USO1: variants seen among roughly 807,000 people sequenced by gnomAD.
The protein encoded by USO1 is general vesicular transport factor p115.
In USO1, 57 loss-of-function variants were observed where a neutral mutation model predicts 124.5. The observed-to-expected ratio is 0.46, with a 90% CI of 0.37 to 0.57. The LOEUF (loss-of-function observed/expected upper bound fraction) is 0.57, where lower values mean the gene tolerates loss of function less well. Among genes scored for constraint, USO1 ranks in the 20% least tolerant of loss-of-function variants. The pLI is 0.00. For synonymous variants in USO1, 369 were observed against 362.8 expected (o/e 1.02, Z -0.19); for missense variants, 900 against 1,040.6 (o/e 0.86, Z 1.86).
rs1722957941 is a variant in USO1 at position 75,805,179 on chromosome 4, C to T, written c.2165C>T (p.Ala722Val). 1 of 1,610,600 alleles carries T rather than the reference C, an allele frequency of 6.2e-7. No individual in the cohort carries two copies. Among genetic ancestry groups the T allele is most frequent in the East Asian group, 2.2e-5 (1 of 44,652 alleles). Residue 722 changes from alanine to valine, a missense_variant, in exon 19 of 24, where the codon GCT becomes GTT. Physicochemically the swap from Ala to Val is moderately conservative, Grantham distance 64 (BLOSUM62 0). Transcript: ENST00000514213. The part of the protein sequence containing the change: ...NQHQGSYSEG[A>V]QMNGIQPEEI... ...CATCAAGGTTCTTACAGTGAGGGGG[C>T]TCAGATGAATGGCATTCAGCCAGAA...
At chr4:75,743,175 C>T (rs1439092899) in intron 1 of USO1, among the ~76,000 whole-genome samples, 2 of 152,090 alleles carry the variant, frequency 1.3e-5, no homozygotes, top group Middle Eastern at 3.4e-3. Context: ...TTAGTAGAGA[C>T]AGGGTTTCAC....
rs542740515 is a variant in USO1, at chr4:75,773,312, A to G, written c.556-1364A>G. On this transcript the variant is annotated intron_variant, in intron 7 of 23. Transcript: ENST00000514213. ...GATTATTGGTTTTTACATGTTTTAT[A>G]ACCTTTTTTTTATTTTAATAAACCT... Among the ~76,000 whole-genome samples the G allele has an allele frequency of 1.3e-3, 199 of 152,106 alleles. 1 individual carries two copies. Among genetic ancestry groups the G allele is most frequent in the Non-Finnish European group, 2.6e-3 (176 of 67,992 alleles).
At chr4:75,734,312 A>T (rs2869175) in intron 1 of USO1, among the ~76,000 whole-genome samples, 83,313 of 151,954 alleles carry the variant, frequency 0.55, 24,104 homozygotes, top group East Asian at 0.81. Flanking sequence ...TAATTTTTGT[A>T]TATGGTAAAA....
rs1356894076 is a variant in USO1 at position 75,809,034 on chromosome 4, C to A, written c.2458C>A (p.Gln820Lys). The change falls in exon 21 of 24, where the codon CAG becomes AAG. Residue 820 changes from glutamine (Q) to lysine (K), a missense_variant. Transcript: ENST00000514213. ...KLQTEKQELL[Q>K]KTEAFAKSVE... The stretch of plus-strand genomic sequence containing the variant: ...ACAGACAGAAAAGCAGGAACTGTTA[C>A]AGAAAACAGAAGCGTTTGTAAGTAT... 1.9e-6 allele frequency: 3 copies of A among 1,598,954 alleles called. No individual in the cohort carries two copies. Among genetic ancestry groups the A allele is most frequent in the Non-Finnish European group, 2.6e-6 (3 of 1,172,952 alleles).
At chr4:75,778,190 C>T (rs1214830325) in intron 8 of USO1, among the ~76,000 whole-genome samples, 1 of 152,058 alleles carries the variant, frequency 6.6e-6, no homozygotes, top group Non-Finnish European at 1.5e-5. Context: ...TTTTGGCTCC[C>T]CCAAAACTTA....
chr4:75,769,358 T>C (rs1721857657), intron 4 of USO1, among the ~76,000 whole-genome samples: 1 of 152,214 alleles, frequency 6.6e-6, no homozygotes, highest in South Asian at 2.1e-4. Context: ...ATTTAGGTAA[T>C]TAATCAACTG....
intron 1 of USO1, among the ~76,000 whole-genome samples, chr4:75,738,521 A>G (rs909640553): frequency 6.6e-6 from 1 of 152,084 alleles, no homozygotes; most frequent in Admixed American, 6.6e-5. Context: ...TCTGTCTTGC[A>G]GGTTGGAGTG....
chr4:75,749,770 C>T (rs1236816215), intron 1 of USO1, among the ~76,000 whole-genome samples: 1 of 147,594 alleles, frequency 6.8e-6, no homozygotes, highest in East Asian at 2.0e-4. Flanking sequence ...TTTTTTCTCC[C>T]GAGACGGAGT....
At chr4:75,805,513 C>T (rs1722972467) in intron 19 of USO1, among the ~76,000 whole-genome samples, 1 of 152,008 alleles carries the variant, frequency 6.6e-6, no homozygotes, top group Admixed American at 6.6e-5. Flanking sequence ...TCAAGACTAG[C>T]CTGGCCAATA....
chr4:75,783,626 C>A (rs17000864), intron 9 of USO1, among the ~76,000 whole-genome samples: 21,291 of 152,068 alleles, frequency 0.14, 2,582 homozygotes, highest in African/African-American at 0.32. Context: ...AAGTTGTGGA[C>A]CTAACTAGAT....
chr4:75,801,567 A>G (rs991524208), intron 17 of USO1, among the ~76,000 whole-genome samples: 6 of 152,010 alleles, frequency 3.9e-5, no homozygotes, highest in Admixed American at 2.6e-4. Context: ...TATGATATTT[A>G]CCTTGATTGG....
At chr4:75,800,073 G>A (rs897338166) in intron 14 of USO1, among the ~76,000 whole-genome samples, 2 of 151,578 alleles carry the variant, frequency 1.3e-5, no homozygotes, top group Non-Finnish European at 1.5e-5. Flanking sequence ...TCAGCCTCCT[G>A]AGTAGCTAGG....
intron 1 of USO1, chr4:75,730,109 T>G: frequency 4.5e-6 from 1 of 221,552 alleles, no homozygotes; most frequent in Non-Finnish European, 9.4e-6. Context: ...TAATGATTTG[T>G]GTTTTGGTCA....
At chr4:75,733,526 G>C (rs1374813872) in intron 1 of USO1, among the ~76,000 whole-genome samples, 1 of 152,156 alleles carries the variant, frequency 6.6e-6, no homozygotes, top group Non-Finnish European at 1.5e-5. Context: ...TGACTGGTGG[G>C]AGATGGTATT....
chr4:75,781,393 A>T (rs1372505277), intron 8 of USO1, among the ~76,000 whole-genome samples: 2 of 152,224 alleles, frequency 1.3e-5, no homozygotes, highest in Non-Finnish European at 2.9e-5. Flanking sequence ...ACATCAACTT[A>T]GTTGATAAAG....
chr4:75,788,495 C>T (rs1333349402), intron 10 of USO1, among the ~76,000 whole-genome samples: 3 of 151,406 alleles, frequency 2.0e-5, no homozygotes, highest in Admixed American at 1.3e-4. Context: ...TCCTCTATCC[C>T]TTGGTTCATT....
chr4:75,773,198 A>T (rs1408091969), intron 7 of USO1, among the ~76,000 whole-genome samples: 2 of 151,166 alleles, frequency 1.3e-5, no homozygotes, highest in South Asian at 2.1e-4. Flanking sequence ...TTCAACTTTT[A>T]TTTGAGACAG....
chr4:75,749,909 G>A (rs1487889395), intron 1 of USO1, among the ~76,000 whole-genome samples: 1 of 151,882 alleles, frequency 6.6e-6, no homozygotes, highest in Non-Finnish European at 1.5e-5. Context: ...CCGTCACCAG[G>A]CCCAGCTAAT....
chr4:75,751,471 C>A (rs1721295699), intron 1 of USO1, among the ~76,000 whole-genome samples: 1 of 148,718 alleles, frequency 6.7e-6, no homozygotes, highest in Non-Finnish European at 1.5e-5. Context: ...CTCGGCCTCC[C>A]AAAGTGCTGG....
Sources: gnomAD v4.1 joint callset for allele counts (sites outside exome capture counted in the v4.1 genomes callset) on GRCh38, gnomAD v4.1.1 for gene constraint, MANE v1.5 for transcripts, NCBI Gene and HGNC (gene_info 2026-07-23, HGNC 2026-07-21) for gene names.